The following DSCAML1 variants were observed in gnomAD, a reference collection of about 807,000 sequenced individuals.
DSCAML1 encodes the protein cell adhesion molecule DSCAML1.
DSCAML1 carries 38 observed loss-of-function variants against 200.5 expected under a neutral mutation model. The observed-to-expected ratio is 0.19, with a 90% confidence interval of 0.15 to 0.25. DSCAML1 has a LOEUF of 0.25. Ranked by LOEUF, DSCAML1 falls within the 10% of genes least tolerant of loss-of-function variation. The pLI is 1.00. For synonymous variants in DSCAML1, 1,215 were observed against 1,165.0 expected (o/e 1.04, Z -0.87); for missense variants, 2,223 against 2,858.8 (o/e 0.78, Z 5.07).
At chr11:117,519,992 C>T (rs2049856022) in intron 6 of DSCAML1, among the ~76,000 whole-genome samples, 1 of 152,184 alleles carries the variant, frequency 6.6e-6, no homozygotes, top group Admixed American at 6.5e-5. Context: ...TTGGGTTTGG[C>T]TGGTATCTTT....
intron 3 of DSCAML1, among the ~76,000 whole-genome samples, chr11:117,645,949 G>C (rs2052513605): frequency 6.6e-6 from 1 of 152,110 alleles, no homozygotes; most frequent in Admixed American, 6.5e-5. Context: ...CCCAACATCT[G>C]TGTACCCAAT....
intron 2 of DSCAML1, among the ~76,000 whole-genome samples, chr11:117,777,649 G>A (rs928160073): frequency 6.6e-6 from 1 of 152,162 alleles, no homozygotes; most frequent in Non-Finnish European, 1.5e-5. Context: ...TCCTGCTTCT[G>A]ACCCTGGCTG....
chr11:117,773,389 C>A (rs2055072383), intron 3 of DSCAML1, among the ~76,000 whole-genome samples: 1 of 152,046 alleles, frequency 6.6e-6, no homozygotes, highest in South Asian at 2.1e-4. Context: ...CAACACAGTT[C>A]CTCTGGCTCC....
intron 1 of DSCAML1, among the ~76,000 whole-genome samples, chr11:117,785,345 T>A (rs1280495010): frequency 2.0e-5 from 3 of 151,670 alleles, no homozygotes; most frequent in Non-Finnish European, 2.9e-5. Context: ...TGGGAAGAGG[T>A]AGGAGCTGAG....
At chr11:117,478,575 A>C (rs924322856) in intron 14 of DSCAML1, among the ~76,000 whole-genome samples, 2 of 152,054 alleles carry the variant, frequency 1.3e-5, no homozygotes, top group South Asian at 2.1e-4. Flanking sequence ...CTCCCCCGGG[A>C]GCTCAGACAT....
chr11:117,573,669 G>A (rs1161603975), intron 3 of DSCAML1, among the ~76,000 whole-genome samples: 1 of 152,234 alleles, frequency 6.6e-6, no homozygotes, highest in Non-Finnish European at 1.5e-5. Context: ...TCAGTGCCAT[G>A]CAGCAAAGCA....
chr11:117,548,546 C>T (rs1199212789), intron 3 of DSCAML1, among the ~76,000 whole-genome samples: 1 of 152,224 alleles, frequency 6.6e-6, no homozygotes. Flanking sequence ...AGCCTGGGAC[C>T]CAGGAGGGCC....
At chr11:117,717,746 C>T (rs74453782) in intron 3 of DSCAML1, among the ~76,000 whole-genome samples, 5,499 of 152,292 alleles carry the variant, frequency 0.036, 187 homozygotes, top group African/African-American at 0.088. Flanking sequence ...GTGCCTGGCA[C>T]ACAGCTGTCC....
chr11:117,610,840 A>ACCC (rs5795096), intron 3 of DSCAML1, among the ~76,000 whole-genome samples: 14 of 112,648 alleles, frequency 1.2e-4, no homozygotes, highest in East Asian at 6.5e-4. Context: ...AACCAAAACA[A>ACCC]CCCCCCCCCC....
At chr11:117,609,024 AAACAAACAAAC>A (rs1474687895) in intron 3 of DSCAML1, among the ~76,000 whole-genome samples, 16 of 113,962 alleles carry the variant, frequency 1.4e-4, no homozygotes, top group African/African-American at 5.1e-4. Flanking sequence ...ACAAACAAAC[AAACAAACAAAC>A]AAAAAAAACA....
chr11:117,682,569 A>G (rs893717881), intron 3 of DSCAML1, among the ~76,000 whole-genome samples: 6 of 152,174 alleles, frequency 3.9e-5, no homozygotes, highest in Non-Finnish European at 8.8e-5. Flanking sequence ...GAACTCCTAC[A>G]TTCTACTGAG....
At chr11:117,770,707 G>A (rs765970897) in intron 3 of DSCAML1, among the ~76,000 whole-genome samples, 21 of 152,054 alleles carry the variant, frequency 1.4e-4, no homozygotes, top group Middle Eastern at 3.4e-3. Flanking sequence ...TACGATTAGC[G>A]TCTTGAGCAA....
At position 117,516,981 on chromosome 11, in the gene DSCAML1, G is replaced by A. The variant is rs1039828649; in HGVS notation, c.1511-242C>T. 1.3e-5 allele frequency among the ~76,000 whole-genome samples: 2 copies of A among 152,166 alleles called. No individual in the cohort carries two copies. Among genetic ancestry groups the A allele is most frequent in the Non-Finnish European group, 2.9e-5 (2 of 68,036 alleles). On this transcript the variant is annotated intron_variant, in intron 7 of 32. Coordinates refer to ENST00000651296, the MANE Select transcript of DSCAML1 (RefSeq NM_020693.4). This position sits in a 1 kb window ranked among gnomAD's most constrained non-coding sequence, Gnocchi z 5.7. The stretch of plus-strand genomic sequence containing the variant: ...TTACTAGCTTCAAAGAGTTGCAAAC[G>A]GACGCAGTATATACATGCCTTGGCC...
chr11:117,802,667 C>G (rs1250126765), intron 1 of DSCAML1, among the ~76,000 whole-genome samples: 2 of 152,132 alleles, frequency 1.3e-5, no homozygotes, highest in East Asian at 3.9e-4. Context: ...GTGCTGACCC[C>G]TAAAACCAAA....
intron 3 of DSCAML1, among the ~76,000 whole-genome samples, chr11:117,681,599 A>T (rs2053314140): frequency 6.6e-6 from 1 of 152,178 alleles, no homozygotes; most frequent in South Asian, 2.1e-4. Context: ...TTTAATTTGC[A>T]GAGTAGAGAT....
At chr11:117,800,025 G>A (rs2055642885), upstream of DSCAML1, among the ~76,000 whole-genome samples, 1 of 152,244 alleles carries the variant, frequency 6.6e-6, no homozygotes, top group Admixed American at 6.5e-5. Flanking sequence ...CACGGAAGGT[G>A]CACACTGAGG....
At chr11:117,735,031 A>C (rs1354834670) in intron 3 of DSCAML1, among the ~76,000 whole-genome samples, 1 of 152,030 alleles carries the variant, frequency 6.6e-6, no homozygotes, top group Non-Finnish European at 1.5e-5. Context: ...GGCTGTGGAG[A>C]GTCCCTCACA....
intron 3 of DSCAML1, among the ~76,000 whole-genome samples, chr11:117,694,094 T>TA (rs1555199521): frequency 2.9e-4 from 34 of 118,378 alleles, no homozygotes; most frequent in East Asian, 1.2e-3. Context: ...TATATATATA[T>TA]TTTTTAAATT....
At chr11:117,581,286 T>C (rs1210169102) in intron 3 of DSCAML1, among the ~76,000 whole-genome samples, 1 of 152,192 alleles carries the variant, frequency 6.6e-6, no homozygotes, top group Non-Finnish European at 1.5e-5. Context: ...TACATGAATG[T>C]ATTATGTCTT....
Sources: allele counts gnomAD v4.1 joint callset (sites outside exome capture counted in the v4.1 genomes callset), GRCh38; gene constraint gnomAD v4.1.1; non-coding constraint Gnocchi (gnomAD v3.1); transcripts MANE v1.5; gene names NCBI Gene and HGNC (gene_info 2026-07-23, HGNC 2026-07-21).